The following MKX variants were observed in gnomAD, a reference collection of about 807,000 sequenced individuals.
The protein encoded by MKX is homeobox protein Mohawk.
A neutral mutation model predicts 36.0 loss-of-function variants in MKX; 13 were observed. The ratio of observed to expected loss-of-function variants is 0.36; its 90% CI spans 0.24 to 0.57. The LOEUF is 0.57. MKX is among the 20% of genes least tolerant of loss of function. The pLI is 0.79. For synonymous variants in MKX, 176 were observed against 178.3 expected, an observed-to-expected ratio of 0.99 and a Z score of 0.10; for missense variants, 458 against 456.4, an observed-to-expected ratio of 1.00 and a Z score of -0.03.
intron 3 of MKX, among the ~76,000 whole-genome samples, chr10:27,738,267 G>A (rs1015926095): frequency 8.6e-5 from 13 of 151,990 alleles, no homozygotes; most frequent in Admixed American, 5.9e-4. Flanking sequence ...TTTGCAGTAG[G>A]TCCTGCAAAC....
At chr10:27,712,147 CA>C (rs1239364603) in intron 5 of MKX, among the ~76,000 whole-genome samples, 1 of 152,130 alleles carries the variant, frequency 6.6e-6, no homozygotes, top group Admixed American at 6.5e-5. Flanking sequence ...CCCTAATCAT[CA>C]ACTCTGCTCC....
Position 27,741,523 on chromosome 10 carries a change from A to G in MKX, c.189-19T>C. 2 of 1,567,616 alleles carry G rather than the reference A, an allele frequency of 1.3e-6. No homozygotes were observed. Among genetic ancestry groups the G allele is most frequent in the Non-Finnish European group, 1.7e-6 (2 of 1,161,592 alleles). On this transcript the variant is annotated intron_variant, in intron 2 of 6. Transcript: ENST00000419761. The surrounding 1 kb of genome is among the most constrained non-coding windows in gnomAD (Gnocchi z 5.1). ...CCGGGCGCTGGGACATGGGGAGAGG[A>G]GGCGGCCCTGGTGAGCGACGCGTTT...
rs550927389 is a variant in MKX at position 27,707,728 on chromosome 10, A to G, written c.838+26728T>C. 4.9e-4 allele frequency among the ~76,000 whole-genome samples: 74 copies of G among 152,350 alleles called. 1 individual carries two copies. In the South Asian group the frequency reaches 0.015, roughly 32 times the overall value. The stretch of plus-strand genomic sequence containing the variant: ...TTAATTCTGCAAAGCTAACTTAATA[A>G]GTTTTGAATTTCAAAGAAAAATGAA... On this transcript the variant is annotated intron_variant, in intron 5 of 6. Coordinates refer to ENST00000419761, the MANE Select transcript of MKX (RefSeq NM_173576.3).
rs777627660 is a variant in MKX at position 27,743,230 on chromosome 10, G to C, written c.186C>G (p.Thr62=). The C allele has an allele frequency of 2.1e-5, 31 of 1,503,146 alleles. No individual in the cohort carries two copies. The South Asian group carries it at 3.5e-4, about 17-fold the overall frequency. The allele number at this position is 1,503,146 out of a possible 1,614,324, so 93.1% of individuals were successfully genotyped here. A position where few individuals can be genotyped will look rare whatever the true frequency, so the allele number is the denominator to read the frequency against. The change falls in exon 2 of 7, where the codon ACC becomes ACG. Residue 62 remains threonine, a splice_region_variant and synonymous_variant. Transcript: ENST00000419761. ...KDNLGLRHRR[T]GARQNGGKVR... ...GGCCCCCAGGGGAGTGCGCATACCC[G>C]GTCCTCCGGTGTCTCAGGCCGAGGT... is the stretch of plus-strand genomic sequence containing the variant.
intron 5 of MKX, among the ~76,000 whole-genome samples, chr10:27,711,083 G>C (rs896537690): frequency 6.6e-6 from 1 of 152,140 alleles, no homozygotes; most frequent in East Asian, 1.9e-4. Flanking sequence ...TTTCAAGTAA[G>C]ATGATAATAA....
chr10:27,685,615 A>T (rs919894144), intron 5 of MKX, among the ~76,000 whole-genome samples: 19 of 151,508 alleles, frequency 1.3e-4, no homozygotes, highest in Non-Finnish European at 2.4e-4. Context: ...CGCCTGGCTA[A>T]TTTTTTTTGT....
In MKX at chr10:27,675,249, G is replaced by A; in HGVS notation, c.1039C>T (p.Pro347Ser). 1 of 1,613,728 alleles carries A rather than the reference G, an allele frequency of 6.2e-7. No homozygotes were observed. Among genetic ancestry groups the A allele is most frequent in the Non-Finnish European group, 8.5e-7 (1 of 1,179,888 alleles). The change falls in exon 7 of 7, where the codon CCG (proline) becomes TCG (serine). Residue 347 changes from proline to serine, a missense_variant. Physicochemically the swap from Pro to Ser is moderately conservative, Grantham distance 74. Around this residue, in one of 3 missense-constraint regions of MKX, gnomAD observed 297 missense variants for 304.4 expected, o/e 0.98. Coordinates refer to ENST00000419761, the MANE Select transcript of MKX (RefSeq NM_173576.3). ...HIAEVKTVKV[P>S]LVQQF Reference sequence around the variant, plus strand: ...AGCTCTTAAAACTGCTGCACCAGCGGCACTTTGACAGTCTTTACTTCTGCT... The same window carrying A: ...AGCTCTTAAAACTGCTGCACCAGCGACACTTTGACAGTCTTTACTTCTGCT...
chr10:27,732,872 C>T (rs140064677), intron 5 of MKX, among the ~76,000 whole-genome samples: 157 of 152,068 alleles, frequency 1.0e-3, no homozygotes, highest in African/African-American at 3.5e-3. Flanking sequence ...CTCAGCCTCC[C>T]AAGTAGATGG....
Position 27,734,811 on chromosome 10 carries a change from C to G in MKX, c.503-20G>C. 1.9e-6 allele frequency: 3 copies of G among 1,579,358 alleles called. No individual in the cohort carries two copies. The highest frequency in any genetic ancestry group is 2.6e-6 in the Non-Finnish European group (3 of 1,157,976). On this transcript the variant is annotated intron_variant, in intron 4 of 6. Transcript: ENST00000419761. Reference sequence around the variant, plus strand: ...CTCCATCTAAAGTGGAACAGTATCACTAAGTAGGGTGGTATGCATACTTTC... The same window carrying G: ...CTCCATCTAAAGTGGAACAGTATCAGTAAGTAGGGTGGTATGCATACTTTC...
chr10:27,685,595 C>T (rs978922780), intron 5 of MKX, among the ~76,000 whole-genome samples: 6 of 152,008 alleles, frequency 3.9e-5, no homozygotes, highest in African/African-American at 1.2e-4. Context: ...ACTACAGGCG[C>T]CCGCCACCAC....
chr10:27,730,805 C>T (rs908922699), intron 5 of MKX, among the ~76,000 whole-genome samples: 2 of 151,676 alleles, frequency 1.3e-5, no homozygotes, highest in Non-Finnish European at 2.9e-5. Context: ...CATCACAAGA[C>T]AGCTACTCTA....
At chr10:27,717,711 T>C (rs1421822542) in intron 5 of MKX, among the ~76,000 whole-genome samples, 1 of 152,242 alleles carries the variant, frequency 6.6e-6, no homozygotes, top group Non-Finnish European at 1.5e-5. Context: ...AAATTAGGTC[T>C]GGATATTTGC....
At chr10:27,698,294 A>C (rs919108993) in intron 5 of MKX, among the ~76,000 whole-genome samples, 1 of 152,160 alleles carries the variant, frequency 6.6e-6, no homozygotes, top group Non-Finnish European at 1.5e-5. Context: ...GGAGTCACTC[A>C]CTAATATTGA....
intron 5 of MKX, 26 bp downstream of exon 5, chr10:27,734,430 A>G (rs1406984546): frequency 6.3e-7 from 1 of 1,595,998 alleles, no homozygotes; most frequent in Admixed American, 1.7e-5. Context: ...GTATCGCAGG[A>G]ATTACTACAG....
chr10:27,680,383 A>AG (rs111922874), intron 5 of MKX, among the ~76,000 whole-genome samples: 29,940 of 143,060 alleles, frequency 0.21, 4,331 homozygotes, highest in East Asian at 0.58. Context: ...AAAAAAAAAA[A>AG]AGGTGTGTAG....
intron 5 of MKX, among the ~76,000 whole-genome samples, chr10:27,710,900 C>T (rs752116975): frequency 5.9e-5 from 9 of 152,154 alleles, no homozygotes; most frequent in Non-Finnish European, 1.2e-4. Context: ...CTCAAGTGAT[C>T]TGCCTGCCTC....
At chr10:27,728,843 T>C (rs190060060) in intron 5 of MKX, among the ~76,000 whole-genome samples, 1 of 152,052 alleles carries the variant, frequency 6.6e-6, no homozygotes, top group East Asian at 1.9e-4. Context: ...AGAAAAATGG[T>C]TTGGAGATGG....
chr10:27,703,769 G>A (rs1355590361), intron 5 of MKX, among the ~76,000 whole-genome samples: 3 of 151,940 alleles, frequency 2.0e-5, no homozygotes, highest in African/African-American at 2.4e-5. Context: ...GCATGGTGGC[G>A]TGCACCTATA....
rs10632508 is a variant in MKX, at chr10:27,714,009, C to CAAAAAAAA, written c.838+20439_838+20446dup. Among the ~76,000 whole-genome samples the CAAAAAAAA allele has an allele frequency of 6.3e-4, 65 of 102,368 alleles. 1 individual carries two copies. The highest frequency in any genetic ancestry group is 2.1e-3 in the East Asian group (8 of 3,896). 67.2% of individuals were successfully genotyped at this position (102,368 alleles called of 152,430 possible). A position where few individuals can be genotyped will look rare whatever the true frequency, so the allele number is the denominator to read the frequency against. ...GAGTACAGCAAATTTGTGCAAAGAC[C>CAAAAAAAA]AAAAAAAAAAAAAAAAAAAAGAGGC... On this transcript the variant is annotated intron_variant, in intron 5 of 6. Transcript: ENST00000419761.
Sources: gnomAD v4.1 joint callset for allele counts (sites outside exome capture counted in the v4.1 genomes callset) on GRCh38, gnomAD v4.1.1 for gene constraint, gnomAD v4.1.1 regional missense constraint, Gnocchi (gnomAD v3.1) non-coding constraint, MANE v1.5 for transcripts, NCBI Gene and HGNC (gene_info 2026-07-23, HGNC 2026-07-21) for gene names.